PTPMT1: variants seen among roughly 807,000 people sequenced by gnomAD.
PTPMT1 encodes the protein phosphatidylglycerophosphatase and protein-tyrosine phosphatase 1.
Under a neutral mutation model 17.8 loss-of-function variants are expected in PTPMT1, and 12 were observed. The observed-to-expected ratio is 0.67, with a 90% CI of 0.43 to 1.09. PTPMT1 has a LOEUF of 1.09. PTPMT1 is among the 50% of genes least tolerant of loss of function. The pLI, the probability that PTPMT1 is intolerant of heterozygous loss-of-function variation, is 0.00. For synonymous variants in PTPMT1, 132 were observed against 116.8 expected (o/e 1.13, Z -0.84); for missense variants, 262 against 266.0 (o/e 0.99, Z 0.10).
intron 3 of PTPMT1, among the ~76,000 whole-genome samples, chr11:47,571,126 CA>C (rs1265491727): frequency 1.3e-5 from 2 of 152,046 alleles, no homozygotes; most frequent in Non-Finnish European, 2.9e-5. Flanking sequence ...TTCTTGTAAC[CA>C]AAAGCCCAGC....
rs374927639 is a variant in PTPMT1 at position 47,571,743 on chromosome 11, G to C, written c.*114G>C. 9 of 902,744 alleles carry C rather than the reference G, an allele frequency of 1.0e-5. No individual in the cohort carries two copies. The highest frequency in any genetic ancestry group is 8.3e-5 in the South Asian group (5 of 60,060). 55.9% of individuals were successfully genotyped at this position (902,744 alleles called of 1,614,324 possible). On this transcript the variant is annotated 3_prime_UTR_variant, in exon 4 of 4. Coordinates refer to ENST00000326674, the MANE Select transcript of PTPMT1 (RefSeq NM_175732.3). ...TTGACGTAACAGAAATGTGCCAATA[G>C]GTAATAGGTAATTTTTCTTTCTCTG...
At chr11:47,569,278 C>T (rs578000928) in intron 2 of PTPMT1, among the ~76,000 whole-genome samples, 200 of 148,766 alleles carry the variant, frequency 1.3e-3, no homozygotes, top group African/African-American at 4.9e-3. Flanking sequence ...CCCAGCTACT[C>T]GGGAGGCTGA....
chr11:47,569,903 CT>C lies in PTPMT1; in HGVS notation c.447+15del. 1 of 1,606,844 alleles carries C rather than the reference CT, an allele frequency of 6.2e-7. No individual in the cohort carries two copies. Among genetic ancestry groups the C allele is most frequent in the Non-Finnish European group, 8.5e-7 (1 of 1,176,022 alleles). ...CATACCTGATTCAGGTACCAAAGTT[CT>C]TTCTGGGCTGGGCATCGTGGTACAC... On this transcript the variant is annotated intron_variant, in intron 3 of 3. Transcript: ENST00000326674.
chr11:47,569,501 A>T (rs2097248306), intron 2 of PTPMT1, among the ~76,000 whole-genome samples, 199 bp from the exon 3 acceptor site: 2 of 152,070 alleles, frequency 1.3e-5, no homozygotes, highest in East Asian at 3.8e-4. Context: ...TTTTAAAGAC[A>T]TTTCTGTCCT....
intron 3 of PTPMT1, 98 bp from the exon 4 acceptor site, chr11:47,571,373 A>G (rs989623179): frequency 5.8e-6 from 6 of 1,034,982 alleles, no homozygotes; most frequent in Non-Finnish European, 8.5e-6. Context: ...TTCCAAAGAA[A>G]TGAAATCTCA....
chr11:47,573,046 C>T lies in PTPMT1; in HGVS notation c.*1417C>T, dbSNP rs2153793366. On this transcript the variant is annotated 3_prime_UTR_variant, in exon 4 of 4. Transcript: ENST00000326674. This position sits in a 1 kb window ranked among gnomAD's most constrained non-coding sequence, Gnocchi z 4.1. Reference sequence around the variant, plus strand: ...TTGGCATCCCCCTTTTTATATCGGTCCCGGAAGACATAGATGCTCCCGTTA... The same window carrying T: ...TTGGCATCCCCCTTTTTATATCGGTTCCGGAAGACATAGATGCTCCCGTTA... The T allele has an allele frequency of 6.2e-7, 1 of 1,614,146 alleles. No homozygotes were observed. The highest frequency in any genetic ancestry group is 1.1e-5 in the South Asian group (1 of 91,082).
rs2153793183 is a variant in PTPMT1 at position 47,571,686 on chromosome 11, C to G, written c.*57C>G. On this transcript the variant is annotated 3_prime_UTR_variant, in exon 4 of 4. Transcript: ENST00000326674. The stretch of plus-strand genomic sequence containing the variant: ...CCTGCTTGATACAGAACAAAAAGAG[C>G]TTAACAGGACCAACAGGGCTTAAGC... 2.6e-6 allele frequency: 4 copies of G among 1,534,274 alleles called. No individual in the cohort carries two copies. In the East Asian group the frequency reaches 9.1e-5, roughly 35 times the overall value.
chr11:47,570,562 G>A, intron 3 of PTPMT1, among the ~76,000 whole-genome samples: 1 of 152,164 alleles, frequency 6.6e-6, no homozygotes, highest in East Asian at 1.9e-4. Flanking sequence ...TACCATGTCA[G>A]GAAACAATAT....
chr11:47,572,843 A>C lies in PTPMT1; in HGVS notation c.*1214A>C, dbSNP rs889813839. On this transcript the variant is annotated 3_prime_UTR_variant, in exon 4 of 4. Coordinates refer to ENST00000326674, the MANE Select transcript of PTPMT1 (RefSeq NM_175732.3). ...GCCTTTCTAGTATGTGCCAAAAAAA[A>C]CATAACTCTGAATTGGGGCCCAGGG... 8 of 1,434,892 alleles carry C rather than the reference A, an allele frequency of 5.6e-6. No homozygotes were observed. In the African/African-American group the frequency reaches 5.7e-5, roughly 10 times the overall value. The allele number at this position is 1,434,892 out of a possible 1,614,324, so 88.9% of individuals were successfully genotyped here.
rs772899675 is a variant in PTPMT1, at chr11:47,569,911, G to T, written c.447+20G>T. ...ATTCAGGTACCAAAGTTCTTTCTGG[G>T]CTGGGCATCGTGGTACACACTTATG... On this transcript the variant is annotated intron_variant, in intron 3 of 3. Coordinates refer to ENST00000326674, the MANE Select transcript of PTPMT1 (RefSeq NM_175732.3). 6.3e-7 allele frequency: 1 copy of T among 1,599,532 alleles called. No individual in the cohort carries two copies. The highest frequency in any genetic ancestry group is 1.7e-5 in the Admixed American group (1 of 59,638).
chr11:47,571,400 G>C, intron 3 of PTPMT1, 71 bp from the exon 4 acceptor site: 1 of 1,405,012 alleles, frequency 7.1e-7, no homozygotes, highest in East Asian at 2.3e-5. Context: ...TTTAGCACCT[G>C]CTCATGGGTC....
Position 47,572,775 on chromosome 11 carries a change from C to T in PTPMT1, c.*1146C>T, listed in dbSNP as rs751182939. 5 of 794,754 alleles carry T rather than the reference C, an allele frequency of 6.3e-6. No individual in the cohort carries two copies. Among genetic ancestry groups the T allele is most frequent in the African/African-American group, 3.5e-5 (2 of 57,352 alleles). The allele number at this position is 794,754 out of a possible 1,614,324, so 49.2% of individuals were successfully genotyped here. ...TGAGCAGCAGCAGTCTAAAAAGCCC[C>T]AAACAGAACACCTCCATGGATTCAG... On this transcript the variant is annotated 3_prime_UTR_variant, in exon 4 of 4. Transcript: ENST00000326674.
Position 47,573,370 on chromosome 11 carries a change from C to T in PTPMT1, c.*1741C>T. The T allele has an allele frequency of 6.2e-7, 1 of 1,614,192 alleles. No individual in the cohort carries two copies. The highest frequency in any genetic ancestry group is 1.1e-5 in the South Asian group (1 of 91,078). Reference sequence around the variant, plus strand: ...TAGATGATCCCGTTGAGGTTGGCACCAGCAGCCCCTGACACAGCCACCTCT... The same window carrying T: ...TAGATGATCCCGTTGAGGTTGGCACTAGCAGCCCCTGACACAGCCACCTCT... On this transcript the variant is annotated 3_prime_UTR_variant, in exon 4 of 4. Transcript: ENST00000326674. The surrounding 1 kb of genome is among the most constrained non-coding windows in gnomAD (Gnocchi z 4.1).
chr11:47,569,921 G>A (rs760953353), intron 3 of PTPMT1, 30 bp downstream of exon 3: 15 of 1,572,502 alleles, frequency 9.5e-6, no homozygotes, highest in South Asian at 7.9e-5. Flanking sequence ...GCTGGGCATC[G>A]TGGTACACAC....
In PTPMT1 at chr11:47,569,864, CA is replaced by C. The variant is rs774221936; in HGVS notation, c.421del (p.Thr141LeufsTer7). 1 of 1,613,436 alleles carries C rather than the reference CA, an allele frequency of 6.2e-7. No individual in the cohort carries two copies. Among genetic ancestry groups the C allele is most frequent in the Non-Finnish European group, 8.5e-7 (1 of 1,179,944 alleles). On this transcript the variant is annotated frameshift_variant, in exon 3 of 4. Transcript: ENST00000326674. LOFTEE classifies it high-confidence loss of function. ...HCKAGRSRSA[T>X]MVAAYLIQVH... ...GTAAGGCTGGGCGCTCCAGGAGTGC[CA>C]CTATGGTGGCAGCATACCTGATTCA...
At position 47,572,796 on chromosome 11, in the gene PTPMT1, T is replaced by C. The variant is rs2097251522; in HGVS notation, c.*1167T>C. ...GCCCCAAACAGAACACCTCCATGGA[T>C]TCAGGGAAGGGCTGAGGCACTGCCT... On this transcript the variant is annotated 3_prime_UTR_variant, in exon 4 of 4. Coordinates refer to ENST00000326674, the MANE Select transcript of PTPMT1 (RefSeq NM_175732.3). The C allele has an allele frequency of 2.2e-6, 2 of 929,554 alleles. No homozygotes were observed. The highest frequency in any genetic ancestry group is 3.2e-6 in the Non-Finnish European group (2 of 626,900). 57.6% of individuals were successfully genotyped at this position (929,554 alleles called of 1,614,324 possible).
chr11:47,567,791 C>T (rs2097247060), intron 2 of PTPMT1, among the ~76,000 whole-genome samples: 1 of 151,972 alleles, frequency 6.6e-6, no homozygotes, highest in South Asian at 2.1e-4. Flanking sequence ...AACTCCTGAC[C>T]TCAGGTGATC....
chr11:47,565,876 C>A, intron 1 of PTPMT1, 30 bp from the exon 2 acceptor site: 1 of 1,612,134 alleles, frequency 6.2e-7, no homozygotes, highest in South Asian at 1.1e-5. Context: ...TCTCCACCGT[C>A]TTTGCTGAGC....
At position 47,573,336 on chromosome 11, in the gene PTPMT1, C is replaced by A. The variant is rs201265377; in HGVS notation, c.*1707C>A. 2.5e-6 allele frequency: 4 copies of A among 1,614,104 alleles called. No individual in the cohort carries two copies. The highest frequency in any genetic ancestry group is 1.7e-5 in the Admixed American group (1 of 60,002). ...GAAGTCCAGATCATTCTCCTCCCCC[C>A]CTAGTAAGTAGATGATCCCGTTGAG... is the stretch of plus-strand genomic sequence containing the variant. On this transcript the variant is annotated 3_prime_UTR_variant, in exon 4 of 4. Transcript: ENST00000326674. The surrounding 1 kb of genome is among the most constrained non-coding windows in gnomAD (Gnocchi z 4.1).
Sources: gnomAD v4.1 joint callset for allele counts (sites outside exome capture counted in the v4.1 genomes callset) on GRCh38, gnomAD v4.1.1 for gene constraint, Gnocchi (gnomAD v3.1) non-coding constraint, MANE v1.5 for transcripts, NCBI Gene and HGNC (gene_info 2026-07-23, HGNC 2026-07-21) for gene names.